Variants in GRM6 observed in about 807,000 individuals in gnomAD.
The protein encoded by GRM6 is glutamate metabotropic receptor 6.
GRM6 carries 73 observed loss-of-function variants against 78.4 expected under a neutral mutation model. The observed-to-expected ratio is 0.93, with a 90% CI of 0.77 to 1.13. The LOEUF is 1.13. GRM6 is among the 50% of genes most tolerant of loss of function. The pLI, the probability that GRM6 is intolerant of heterozygous loss-of-function variation, is 0.00. For missense variants in GRM6, 1,251 were observed against 1,256.4 expected (o/e 1.00, Z 0.07); for synonymous variants, 580 against 555.0 (o/e 1.05, Z -0.63).
intron 2 of GRM6, among the ~76,000 whole-genome samples, chr5:178,993,535 C>T (rs1279724874): frequency 6.6e-6 from 1 of 152,106 alleles, no homozygotes. Flanking sequence ...ACGCTGCGCC[C>T]GGGAGTCGGA....
intron 9 of GRM6, 90 bp downstream of exon 9, chr5:178,986,040 G>A: frequency 8.2e-7 from 1 of 1,218,456 alleles, no homozygotes; most frequent in Non-Finnish European, 1.2e-6. Context: ...GGGACTACAG[G>A]CGTGTGCCAC....
rs758259477 is a variant in GRM6, at chr5:178,986,127, C to T, written c.2124+3G>A. 4 of 1,612,942 alleles carry T rather than the reference C, an allele frequency of 2.5e-6. No individual in the cohort carries two copies. The highest frequency in any genetic ancestry group is 2.2e-5 in the South Asian group (2 of 90,870). ...CCTGGCCCTTGGGAGCCTACGGACCCACCTGCAGGGAGGTGAGGCTGAAGG... is the reference window on the plus strand; with the variant it reads ...CCTGGCCCTTGGGAGCCTACGGACCTACCTGCAGGGAGGTGAGGCTGAAGG... On this transcript the variant is annotated splice_donor_region_variant and intron_variant, in intron 9 of 10. Coordinates refer to ENST00000517717, the MANE Select transcript of GRM6 (RefSeq NM_000843.4).
chr5:178,995,009 G>T, intron 1 of GRM6, 49 bp from the exon 2 acceptor site: 1 of 1,036,288 alleles, frequency 9.6e-7, no homozygotes, highest in East Asian at 5.5e-5. Context: ...GGGGGAAGGA[G>T]AGCGCGGGCT....
At chr5:178,982,159 T>C (rs1266126688) in intron 10 of GRM6, among the ~76,000 whole-genome samples, 1 of 152,116 alleles carries the variant, frequency 6.6e-6, no homozygotes, top group Non-Finnish European at 1.5e-5. Context: ...AATGAATAAA[T>C]GGGCAGAGAC....
intron 9 of GRM6, chr5:178,985,804 C>G: frequency 3.8e-6 from 2 of 523,142 alleles, no homozygotes; most frequent in Non-Finnish European, 7.2e-6. Context: ...CTCTGACACC[C>G]AAGCTGGATT....
rs1273626492 is a variant in GRM6, at chr5:178,981,755, G to A, written c.2536C>T (p.His846Tyr). Residue 846 changes from histidine to tyrosine, a missense_variant, in exon 11 of 11, where the codon CAT (histidine) becomes TAT (tyrosine). Coordinates refer to ENST00000517717, the MANE Select transcript of GRM6 (RefSeq NM_000843.4). The surrounding 1 kb of genome is among the most constrained non-coding windows in gnomAD (Gnocchi z 5.1). ...YVPKTYVILF[H>Y]PEQNVQKRKR... ...CGCTTCTGCACATTCTGCTCTGGAT[G>A]GAAGAGGATGACGTAGGTTTTGGGT... The A allele has an allele frequency of 1.2e-6, 2 of 1,613,442 alleles. No individual in the cohort carries two copies. Among genetic ancestry groups the A allele is most frequent in the East Asian group, 2.2e-5 (1 of 44,872 alleles).
At position 178,983,137 on chromosome 5, in the gene GRM6, G is replaced by A. The variant is rs1343540833; in HGVS notation, c.2209C>T (p.Gln737Ter). The change falls in exon 10 of 11, where the codon CAG becomes TAG. Residue 737 changes from glutamine (Q) to a stop codon, truncating the protein, a stop_gained. Coordinates refer to ENST00000517717, the MANE Select transcript of GRM6 (RefSeq NM_000843.4). LOFTEE classifies it high-confidence loss of function. ...TCGCACTTGAGCACCCCTCTGGCCT[G>A]CTCGGGGTCCACCGTCCGCTGTTCC... ...YEEQRTVDPE[Q>*]ARGVLKCDMS... is the part of the protein sequence containing the mutation. 1.9e-6 allele frequency: 3 copies of A among 1,613,852 alleles called. No individual in the cohort carries two copies. Among genetic ancestry groups the A allele is most frequent in the Non-Finnish European group, 8.5e-7 (1 of 1,179,920 alleles).
At chr5:178,985,628 G>T in intron 9 of GRM6, 1 of 370,278 alleles carries the variant, frequency 2.7e-6, no homozygotes, top group Non-Finnish European at 5.3e-6. Context: ...GCGTGAACCC[G>T]GAAGGCAGAG....
intron 9 of GRM6, among the ~76,000 whole-genome samples, chr5:178,984,520 A>C (rs1329392971): frequency 6.6e-6 from 1 of 152,146 alleles, no homozygotes; most frequent in Non-Finnish European, 1.5e-5. Flanking sequence ...TTGTATCTGG[A>C]AAAGAGGGTA....
Position 178,990,744 on chromosome 5 carries a change from C to G in GRM6, c.860G>C (p.Arg287Pro), listed in dbSNP as rs879403706. The G allele has an allele frequency of 6.4e-7, 1 of 1,564,612 alleles. No homozygotes were observed. Among genetic ancestry groups the G allele is most frequent in the African/African-American group, 1.4e-5 (1 of 73,830 alleles). ...GGCCTGGCGAGCTGCCTCCAGGACCCGCCTGGTAGGAGCAGGGCTGGGGTG... is the reference window on the plus strand; with the variant it reads ...GGCCTGGCGAGCTGCCTCCAGGACCGGCCTGGTAGGAGCAGGGCTGGGGTG... Reference protein sequence around the residue: ...IIFANEDDIRRVLEAARQANL... With the variant: ...IIFANEDDIRPVLEAARQANL... Residue 287 changes from arginine (R) to proline (P), a missense_variant and splice_region_variant, in exon 5 of 11, where the codon CGG becomes CCG. Arg to Pro is a moderately radical substitution (Grantham distance 103). Transcript: ENST00000517717.
At chr5:178,983,246 ACACAG>A (rs1760441259) in intron 9 of GRM6, 25 bp from the exon 10 acceptor site, 1 of 1,594,002 alleles carries the variant, frequency 6.3e-7, no homozygotes. Flanking sequence ...ACTGCATCAG[ACACAG>A]CACTTTCCAG....
Position 178,991,838 on chromosome 5 carries a change from T to A in GRM6, c.721+29A>T, listed in dbSNP as rs1404535705. On this transcript the variant is annotated intron_variant, in intron 3 of 10. Coordinates refer to ENST00000517717, the MANE Select transcript of GRM6 (RefSeq NM_000843.4). This position sits in a 1 kb window ranked among gnomAD's most constrained non-coding sequence, Gnocchi z 5.0. ...GGCCCCGGGCCCACACTATGTAGAC[T>A]CCTTGGTGCCTCGGAGCCCCCAGCT... is the stretch of plus-strand genomic sequence containing the variant. 2 of 1,582,862 alleles carry A rather than the reference T, an allele frequency of 1.3e-6. No homozygotes were observed. Among genetic ancestry groups the A allele is most frequent in the African/African-American group, 2.7e-5 (2 of 74,196 alleles).
At chr5:178,993,936 A>C (rs1178720415) in intron 2 of GRM6, among the ~76,000 whole-genome samples, 1 of 152,190 alleles carries the variant, frequency 6.6e-6, no homozygotes, top group Non-Finnish European at 1.5e-5. Context: ...AAATGATCAA[A>C]AAAGAGAAAG....
At chr5:178,989,177 G>T in intron 6 of GRM6, 42 bp from the exon 7 acceptor site, 2 of 1,598,714 alleles carry the variant, frequency 1.3e-6, no homozygotes, top group South Asian at 2.2e-5. Flanking sequence ...CGGCCCCCAT[G>T]CACCGAACCC....
chr5:178,991,553 AC>A lies in GRM6; in HGVS notation c.727del (p.Val243SerfsTer21), dbSNP rs281865186. ...AATCTTGATAGACTGGGCAATACAG[AC>A]CCCCCCTGGGCGTTGGGGGTGCCAG... is the stretch of plus-strand genomic sequence containing the variant. Reference protein sequence around the residue: ...FVQISREAGGVCIAQSIKIPR... With the variant: ...FVQISREAGGXCIAQSIKIPR... On this transcript the variant is annotated frameshift_variant, in exon 4 of 11. Transcript: ENST00000517717. LOFTEE classifies it high-confidence loss of function. This position sits in a 1 kb window ranked among gnomAD's most constrained non-coding sequence, Gnocchi z 5.0. 1.3e-5 allele frequency: 21 copies of A among 1,611,292 alleles called. No homozygotes were observed. The highest frequency in any genetic ancestry group is 6.7e-5 in the East Asian group (3 of 44,728).
chr5:178,991,660 A>G lies in GRM6; in HGVS notation c.722-101T>C. On this transcript the variant is annotated intron_variant, in intron 3 of 10. Coordinates refer to ENST00000517717, the MANE Select transcript of GRM6 (RefSeq NM_000843.4). The surrounding 1 kb of genome is among the most constrained non-coding windows in gnomAD (Gnocchi z 5.0). Reference sequence around the variant, plus strand: ...TGTGTAGGCTGGCTGAAGGGTCTGCAGGGGTGAAGTCTGGCCTGCACCCTC... The same window carrying G: ...TGTGTAGGCTGGCTGAAGGGTCTGCGGGGGTGAAGTCTGGCCTGCACCCTC... 1 of 1,402,484 alleles carries G rather than the reference A, an allele frequency of 7.1e-7. No individual in the cohort carries two copies. The highest frequency in any genetic ancestry group is 1.0e-6 in the Non-Finnish European group (1 of 998,638). The allele number at this position is 1,402,484 out of a possible 1,614,324, so 86.9% of individuals were successfully genotyped here.
intron 10 of GRM6, 73 bp downstream of exon 10, chr5:178,982,837 T>C: frequency 5.7e-6 from 6 of 1,056,520 alleles, no homozygotes; most frequent in Non-Finnish European, 8.9e-6. Flanking sequence ...GAACAAGCAT[T>C]TAATCTCATG....
intron 9 of GRM6, chr5:178,985,511 G>A (rs971734387): frequency 4.1e-5 from 14 of 339,340 alleles, no homozygotes; most frequent in South Asian, 6.8e-5. Flanking sequence ...AGACCATCCT[G>A]GCTAACACGG....
At position 178,979,926 on chromosome 5, in the gene GRM6, C is replaced by T. The variant is rs1250047952; in HGVS notation, c.*1731G>A. ...CCCCATTACCCATGAGAGAGCTGCA[C>T]AGGAGAGAAACCCTATGGAATAAAT... On this transcript the variant is annotated 3_prime_UTR_variant, in exon 11 of 11. Transcript: ENST00000517717. 1 of 154,414 alleles carries T rather than the reference C, an allele frequency of 6.5e-6. No homozygotes were observed. Among genetic ancestry groups the T allele is most frequent in the Non-Finnish European group, 1.5e-5 (1 of 68,290 alleles). 9.6% of individuals were successfully genotyped at this position (154,414 alleles called of 1,614,324 possible). A position where few individuals can be genotyped will look rare whatever the true frequency, so the allele number is the denominator to read the frequency against.
Sources: allele counts gnomAD v4.1 joint callset (sites outside exome capture counted in the v4.1 genomes callset), GRCh38; gene constraint gnomAD v4.1.1; non-coding constraint Gnocchi (gnomAD v3.1); transcripts MANE v1.5; gene names NCBI Gene and HGNC (gene_info 2026-07-23, HGNC 2026-07-21).